CHMP3: variants seen among roughly 807,000 people sequenced by gnomAD.
The protein encoded by CHMP3 is 25.1 protein.
Under a neutral mutation model 27.4 loss-of-function variants are expected in CHMP3, and 8 were observed. That is an observed-to-expected ratio of 0.29 (90% CI 0.17 to 0.53). The LOEUF (loss-of-function observed/expected upper bound fraction) is 0.53, where lower values mean the gene tolerates loss of function less well. Ranked by LOEUF, CHMP3 falls within the 20% of genes least tolerant of loss-of-function variation. The pLI, the probability that CHMP3 is intolerant of heterozygous loss-of-function variation, is 0.96. For synonymous variants in CHMP3, 86 were observed against 85.5 expected (o/e 1.01, Z -0.03); for missense variants, 208 against 271.5 (o/e 0.77, Z 1.64).
chr2:86,515,862 T>TA (rs896054076), intron 3 of CHMP3, among the ~76,000 whole-genome samples: 1 of 152,070 alleles, frequency 6.6e-6, no homozygotes, highest in African/African-American at 2.4e-5. Context: ...TTTCTTTATT[T>TA]AAAAAAAATT....
chr2:86,551,463 G>A (rs2104025654), intron 1 of CHMP3, among the ~76,000 whole-genome samples: 1 of 152,092 alleles, frequency 6.6e-6, no homozygotes. Context: ...CACCATGTTG[G>A]CCAGGCTGGT....
rs2104088437 is a variant in CHMP3, at chr2:86,563,328, G to A, written c.21C>T (p.Thr7=). 1 of 1,614,042 alleles carries A rather than the reference G, an allele frequency of 6.2e-7. No individual in the cohort carries two copies. The highest frequency in any genetic ancestry group is 2.2e-5 in the East Asian group (1 of 44,860). The part of the protein sequence containing the change: MGLFGK[T]QEKPPKELVN... ...CCAGTTCTTTGGGCGGCTTCTCCTG[G>A]GTCTTTCCAAACAGCCCCATGACGA... The change falls in exon 1 of 6, where the codon ACC becomes ACT. Residue 7 remains threonine (T), a synonymous_variant. Coordinates refer to ENST00000263856, the MANE Select transcript of CHMP3 (RefSeq NM_016079.4).
intron 3 of CHMP3, chr2:86,512,532 G>A (rs1675142755): frequency 6.6e-6 from 1 of 152,140 alleles, no homozygotes; most frequent in African/African-American, 2.4e-5. Context: ...AAAAGGTGTG[G>A]CAGGTAAAAA....
At position 86,512,034 on chromosome 2, in the gene CHMP3, A is replaced by T. The variant is rs565071707; in HGVS notation, c.287-1555T>A. 7 of 152,358 alleles carry T rather than the reference A, an allele frequency of 4.6e-5. No individual in the cohort carries two copies. The South Asian group carries it at 1.4e-3, about 32-fold the overall frequency. 9.4% of individuals were successfully genotyped at this position (152,358 alleles called of 1,614,324 possible). A position where few individuals can be genotyped will look rare whatever the true frequency, so the allele number is the denominator to read the frequency against. Reference sequence around the variant, plus strand: ...TATTACAAAAACACTCAAGTTGATAACCAACCAAAATGGATTAGGTAAGTG... The same window carrying T: ...TATTACAAAAACACTCAAGTTGATATCCAACCAAAATGGATTAGGTAAGTG... On this transcript the variant is annotated intron_variant, in intron 3 of 5. Transcript: ENST00000263856.
chr2:86,563,190 TGGG>T (rs1677457663), intron 1 of CHMP3, 111 bp downstream of exon 1: 7 of 1,304,014 alleles, frequency 5.4e-6, no homozygotes, highest in East Asian at 2.4e-5. Flanking sequence ...TCCCCGGAAA[TGGG>T]GGCCGGGCGG....
Position 86,555,773 on chromosome 2 carries a change from C to A in CHMP3, c.45+7531G>T, listed in dbSNP as rs1052564857. Among the ~76,000 whole-genome samples, 3 of 152,190 alleles carry A rather than the reference C, an allele frequency of 2.0e-5. No homozygotes were observed. The East Asian group carries it at 5.8e-4, about 29-fold the overall frequency. ...TTCTCTTCTTCTGTGTATGTCAAAT[C>A]TCCCTCTAAATCCCTCTTATAAGGA... On this transcript the variant is annotated intron_variant, in intron 1 of 5. Transcript: ENST00000263856.
intron 3 of CHMP3, 152 bp downstream of exon 3, chr2:86,529,066 C>A: frequency 1.3e-6 from 1 of 741,858 alleles, no homozygotes; most frequent in Non-Finnish European, 2.0e-6. Context: ...AAACAAACAA[C>A]ATTATTATAT....
chr2:86,554,499 A>G (rs961636713), intron 1 of CHMP3, among the ~76,000 whole-genome samples: 1 of 152,236 alleles, frequency 6.6e-6, no homozygotes, highest in African/African-American at 2.4e-5. Context: ...AAAGCCTGAT[A>G]TTCATTTCAT....
At chr2:86,527,968 CA>C (rs942588194) in intron 3 of CHMP3, among the ~76,000 whole-genome samples, 8 of 151,786 alleles carry the variant, frequency 5.3e-5, no homozygotes, top group Non-Finnish European at 1.0e-4. Context: ...CTCAAAAAAA[CA>C]AAAATAAATA....
intron 1 of CHMP3, among the ~76,000 whole-genome samples, chr2:86,553,400 A>C (rs945068488): frequency 1.3e-5 from 2 of 152,120 alleles, no homozygotes; most frequent in Non-Finnish European, 2.9e-5. Context: ...GGCACAATCT[A>C]GGCTCACTGC....
chr2:86,548,577 T>TGAAA (rs1171646517), intron 1 of CHMP3, among the ~76,000 whole-genome samples: 3 of 152,236 alleles, frequency 2.0e-5, no homozygotes, highest in African/African-American at 7.2e-5. Flanking sequence ...GTGTCTCCTA[T>TGAAA]GTCTCCTTCT....
chr2:86,523,616 C>T (rs1558648646), intron 3 of CHMP3, among the ~76,000 whole-genome samples: 1 of 151,946 alleles, frequency 6.6e-6, no homozygotes, highest in Admixed American at 6.6e-5. Flanking sequence ...CCTGAAAAGA[C>T]GAGGGAGGGC....
chr2:86,550,332 C>T (rs554405246), intron 1 of CHMP3, among the ~76,000 whole-genome samples: 46 of 151,928 alleles, frequency 3.0e-4, no homozygotes, highest in Admixed American at 2.1e-3. Context: ...GCCGAGACCA[C>T]GGCAGTACAG....
At chr2:86,542,350 C>T (rs370221238) in intron 1 of CHMP3, 38 bp from the exon 2 acceptor site, 76 of 1,581,810 alleles carry the variant, frequency 4.8e-5, no homozygotes, top group Middle Eastern at 3.3e-4. Context: ...GGAGAAAAGC[C>T]GAAACTCCTA....
intron 3 of CHMP3, among the ~76,000 whole-genome samples, chr2:86,516,159 A>G (rs1214531337): frequency 1.3e-5 from 2 of 151,326 alleles, no homozygotes; most frequent in African/African-American, 2.4e-5. Context: ...AAAAAAAAAA[A>G]AAAAAGAAAA....
intron 1 of CHMP3, among the ~76,000 whole-genome samples, chr2:86,550,577 A>C (rs947095582): frequency 1.3e-5 from 2 of 152,234 alleles, no homozygotes; most frequent in Non-Finnish European, 2.9e-5. Context: ...AAGAAAGTAA[A>C]ATGTTACAAA....
intron 1 of CHMP3, among the ~76,000 whole-genome samples, chr2:86,546,804 A>G (rs1274685941): frequency 2.0e-5 from 3 of 152,074 alleles, no homozygotes; most frequent in Non-Finnish European, 2.9e-5. Flanking sequence ...TTGTTTATTC[A>G]TATCTTCTGC....
chr2:86,531,950 A>G (rs1202516398), intron 2 of CHMP3, among the ~76,000 whole-genome samples: 1 of 152,324 alleles, frequency 6.6e-6, no homozygotes, highest in African/African-American at 2.4e-5. Context: ...TTAAGATTCT[A>G]TAAGAATTTT....
intron 1 of CHMP3, among the ~76,000 whole-genome samples, chr2:86,555,404 A>G (rs947803423): frequency 1.3e-5 from 2 of 152,132 alleles, no homozygotes; most frequent in Non-Finnish European, 2.9e-5. Context: ...TACTTAAAAC[A>G]TAAATGAGAA....
Sources: allele counts gnomAD v4.1 joint callset (sites outside exome capture counted in the v4.1 genomes callset), GRCh38; gene constraint gnomAD v4.1.1; transcripts MANE v1.5; gene names NCBI Gene and HGNC (gene_info 2026-07-23, HGNC 2026-07-21).